CCSER1: variants seen among roughly 807,000 people sequenced by gnomAD.
CCSER1 encodes the protein serine-rich coiled-coil domain-containing protein 1.
CCSER1 carries 41 observed loss-of-function variants against 82.0 expected under a neutral mutation model. That is an observed-to-expected ratio of 0.50 (90% confidence interval 0.39 to 0.65). The LOEUF (loss-of-function observed/expected upper bound fraction) is 0.65. Among genes scored for constraint, CCSER1 ranks in the 30% least tolerant of loss-of-function variants. CCSER1 has a pLI of 0.00. For missense variants in CCSER1, 1,119 were observed against 1,064.2 expected, an observed-to-expected ratio of 1.05 and a Z score of -0.72; for synonymous variants, 414 against 383.9, an observed-to-expected ratio of 1.08 and a Z score of -0.92.
intron 7 of CCSER1, among the ~76,000 whole-genome samples, chr4:90,733,328 T>C (rs1745076566): frequency 6.6e-6 from 1 of 152,218 alleles, no homozygotes; most frequent in Non-Finnish European, 1.5e-5. Context: ...CATTTGTATA[T>C]ATTCTTTAGA....
chr4:91,133,297 C>G (rs1728165921), intron 10 of CCSER1, among the ~76,000 whole-genome samples: 2 of 151,662 alleles, frequency 1.3e-5, no homozygotes, highest in Admixed American at 6.6e-5. Flanking sequence ...GAAGTAGGGT[C>G]TGGCGAGGCA....
At chr4:90,173,151 A>T (rs1041446864) in intron 1 of CCSER1, among the ~76,000 whole-genome samples, 1 of 151,840 alleles carries the variant, frequency 6.6e-6, no homozygotes, top group Non-Finnish European at 1.5e-5. Context: ...CACAGAAATT[A>T]AGATATCAAT....
rs1045270267 is a variant in CCSER1, at chr4:91,083,112, G to A, written c.2173-2838G>A. ...TGCTGCTATAAAGACACATGAACAC[G>A]TATGTTTATTGTGGCACTATTCACA... On this transcript the variant is annotated intron_variant, in intron 9 of 10. Transcript: ENST00000509176. Among the ~76,000 whole-genome samples, 13 of 152,226 alleles carry A rather than the reference G, an allele frequency of 8.5e-5. No homozygotes were observed. In the East Asian group the frequency reaches 9.7e-4, roughly 11 times the overall value.
chr4:90,340,583 G>C (rs1162720269), intron 3 of CCSER1, among the ~76,000 whole-genome samples: 1 of 152,136 alleles, frequency 6.6e-6, no homozygotes, highest in Non-Finnish European at 1.5e-5. Flanking sequence ...AAAAATAGCT[G>C]TTGAATCATC....
intron 6 of CCSER1, among the ~76,000 whole-genome samples, chr4:90,694,800 GTGTGT>G (rs759351355): frequency 0.038 from 2,703 of 71,806 alleles, 44 homozygotes; most frequent in Non-Finnish European, 0.084. Context: ...TGTGTGGGGT[GTGTGT>G]GTGTGTGTGT....
At chr4:90,294,410 TTTTA>T (rs1195774834) in intron 1 of CCSER1, among the ~76,000 whole-genome samples, 2 of 151,924 alleles carry the variant, frequency 1.3e-5, no homozygotes, top group Middle Eastern at 3.2e-3. Flanking sequence ...CTTCCATATG[TTTTA>T]TTTATTTAAA....
intron 6 of CCSER1, among the ~76,000 whole-genome samples, chr4:90,705,767 C>G (rs1236243356): frequency 6.6e-6 from 1 of 152,220 alleles, no homozygotes; most frequent in African/African-American, 2.4e-5. Flanking sequence ...GTGGGACCCT[C>G]CGAGCCAGGC....
At chr4:90,905,309 A>C (rs1415167223) in intron 8 of CCSER1, among the ~76,000 whole-genome samples, 2 of 151,886 alleles carry the variant, frequency 1.3e-5, no homozygotes, top group Non-Finnish European at 2.9e-5. Flanking sequence ...CATTTTGTAG[A>C]GCCTACAATT....
At chr4:90,811,082 G>T (rs1249973002) in intron 7 of CCSER1, among the ~76,000 whole-genome samples, 1 of 152,024 alleles carries the variant, frequency 6.6e-6, no homozygotes, top group African/African-American at 2.4e-5. Flanking sequence ...GTTGTGATCC[G>T]CCCGCGTCGG....
rs532819722 is a variant in CCSER1, at chr4:91,548,630, T to C, written c.2218-49942T>C. On this transcript the variant is annotated intron_variant, in intron 10 of 10. Transcript: ENST00000509176. ...AAGAATAATTTCTCATGGTATGTAA[T>C]TCTAGGTTTGTGGGTTTTTCTCTCT... 3.5e-4 allele frequency among the ~76,000 whole-genome samples: 54 copies of C among 152,142 alleles called. No individual in the cohort carries two copies. In the South Asian group the frequency reaches 0.011, roughly 30 times the overall value.
In CCSER1 at chr4:91,054,218, A is replaced by T. The variant is rs535879424; in HGVS notation, c.2173-31732A>T. Among the ~76,000 whole-genome samples, 5 of 152,262 alleles carry T rather than the reference A, an allele frequency of 3.3e-5. No homozygotes were observed. In the South Asian group the frequency reaches 1.0e-3, roughly 32 times the overall value. Reference sequence around the variant, plus strand: ...GCTGTCCGCAATCACAGCTTCACATAACGTGGGTGAGGTGAGGGAGCACCC... The same window carrying T: ...GCTGTCCGCAATCACAGCTTCACATTACGTGGGTGAGGTGAGGGAGCACCC... On this transcript the variant is annotated intron_variant, in intron 9 of 10. Coordinates refer to ENST00000509176, the MANE Select transcript of CCSER1 (RefSeq NM_001145065.2).
chr4:90,664,489 C>T (rs1048528923), intron 6 of CCSER1, among the ~76,000 whole-genome samples: 15 of 152,092 alleles, frequency 9.9e-5, no homozygotes, highest in African/African-American at 3.6e-4. Context: ...TTGTATTTTT[C>T]TACCTTAACA....
intron 8 of CCSER1, among the ~76,000 whole-genome samples, chr4:90,902,017 A>C (rs1724731386): frequency 6.6e-6 from 1 of 151,700 alleles, no homozygotes; most frequent in Non-Finnish European, 1.5e-5. Context: ...TGTCTGAGTT[A>C]ATTCAAAAAC....
chr4:90,890,551 G>GA (rs1183586320), intron 8 of CCSER1, among the ~76,000 whole-genome samples: 1 of 152,104 alleles, frequency 6.6e-6, no homozygotes, highest in East Asian at 1.9e-4. Flanking sequence ...GAAAAACATG[G>GA]GCATGCCCAG....
chr4:91,117,392 A>G (rs1230721087), intron 10 of CCSER1, among the ~76,000 whole-genome samples: 1 of 152,226 alleles, frequency 6.6e-6, no homozygotes, highest in African/African-American at 2.4e-5. Context: ...ATCTAACTTT[A>G]TGCCACACAT....
chr4:90,284,065 T>C (rs1485935442), intron 1 of CCSER1, among the ~76,000 whole-genome samples: 1 of 152,094 alleles, frequency 6.6e-6, no homozygotes, highest in Non-Finnish European at 1.5e-5. Flanking sequence ...TTTGCATTTC[T>C]CTTATTAGTG....
At chr4:91,166,586 A>T (rs1021191723) in intron 10 of CCSER1, among the ~76,000 whole-genome samples, 1 of 152,258 alleles carries the variant, frequency 6.6e-6, no homozygotes, top group African/African-American at 2.4e-5. Flanking sequence ...TTAATTGAGC[A>T]TTCTGATTTA....
chr4:90,380,428 G>A (rs181104225), intron 3 of CCSER1, among the ~76,000 whole-genome samples: 18 of 152,086 alleles, frequency 1.2e-4, no homozygotes, highest in African/African-American at 4.1e-4. Flanking sequence ...TGTTCAAAGC[G>A]TTTGATATGA....
At chr4:91,247,301 CAAAA>C (rs36047203) in intron 10 of CCSER1, among the ~76,000 whole-genome samples, 21 of 114,344 alleles carry the variant, frequency 1.8e-4, no homozygotes, top group African/African-American at 5.6e-4. Flanking sequence ...GACTCCGTCT[CAAAA>C]AAAAAAAAAA....
Sources: allele counts gnomAD v4.1 joint callset (sites outside exome capture counted in the v4.1 genomes callset), GRCh38; gene constraint gnomAD v4.1.1; transcripts MANE v1.5; gene names NCBI Gene and HGNC (gene_info 2026-07-23, HGNC 2026-07-21).